The following KIF2A variants were observed in gnomAD, a reference collection of about 807,000 sequenced individuals.
The protein encoded by KIF2A is kinesin family member 2A.
KIF2A carries 22 observed loss-of-function variants against 100.2 expected under a neutral mutation model. The ratio of observed to expected loss-of-function variants is 0.22; its 90% CI spans 0.16 to 0.31. The LOEUF (loss-of-function observed/expected upper bound fraction) is 0.31. Among genes scored for constraint, KIF2A ranks in the 10% least tolerant of loss-of-function variants. The pLI, the probability that KIF2A is intolerant of heterozygous loss-of-function variation, is 1.00. For missense variants in KIF2A, 495 were observed against 898.7 expected, an observed-to-expected ratio of 0.55 and a Z score of 5.74; for synonymous variants, 268 against 285.9, an observed-to-expected ratio of 0.94 and a Z score of 0.63.
chr5:62,378,415 G>A (rs1315171669), intron 19 of KIF2A, among the ~76,000 whole-genome samples: 3 of 151,942 alleles, frequency 2.0e-5, no homozygotes, highest in African/African-American at 2.4e-5. Context: ...ACTGGCAGCC[G>A]CCCCCACCCT....
At chr5:62,319,102 G>A (rs1745975336) in intron 1 of KIF2A, among the ~76,000 whole-genome samples, 1 of 151,906 alleles carries the variant, frequency 6.6e-6, no homozygotes, top group Non-Finnish European at 1.5e-5. Flanking sequence ...ATTATGTCTT[G>A]CCTGTGCTGT....
At position 62,306,400 on chromosome 5, in the gene KIF2A, C is replaced by T; in HGVS notation, c.-73C>T. Reference sequence around the variant, plus strand: ...CAACCGCTCCCCCTCCCACACCTACCCCGCCCCCTCCCCGCCTTTTCCGCC... The same window carrying T: ...CAACCGCTCCCCCTCCCACACCTACTCCGCCCCCTCCCCGCCTTTTCCGCC... On this transcript the variant is annotated 5_prime_UTR_variant, in exon 1 of 21. Transcript: ENST00000407818. The T allele has an allele frequency of 1.1e-6, 1 of 927,410 alleles. No individual in the cohort carries two copies. The highest frequency in any genetic ancestry group is 2.8e-5 in the East Asian group (1 of 35,320). 57.4% of individuals were successfully genotyped at this position (927,410 alleles called of 1,614,324 possible).
chr5:62,377,516 T>G, intron 18 of KIF2A, 145 bp from the exon 19 acceptor site: 1 of 426,480 alleles, frequency 2.3e-6, no homozygotes, highest in East Asian at 3.7e-5. Flanking sequence ...AAATCGTGGC[T>G]TTGCCTTTTA....
At chr5:62,345,287 C>T (rs1296731207) in intron 1 of KIF2A, among the ~76,000 whole-genome samples, 1 of 151,986 alleles carries the variant, frequency 6.6e-6, no homozygotes, top group African/African-American at 2.4e-5. Flanking sequence ...ACTTGGGAGG[C>T]TGAGGCAGGA....
In KIF2A at chr5:62,377,628, A is replaced by G. The variant is rs951679877; in HGVS notation, c.1912-33A>G. On this transcript the variant is annotated intron_variant, in intron 18 of 20. Transcript: ENST00000407818. ...TTTTATAACATTTAAAATACACACT[A>G]TATCATAATTTCTTAACTATTTTTA... 14 of 1,179,634 alleles carry G rather than the reference A, an allele frequency of 1.2e-5. No homozygotes were observed. The East Asian group carries it at 2.1e-4, about 17-fold the overall frequency. The allele number at this position is 1,179,634 out of a possible 1,614,324, so 73.1% of individuals were successfully genotyped here.
chr5:62,337,516 C>G (rs779111496), intron 1 of KIF2A, among the ~76,000 whole-genome samples: 5 of 151,518 alleles, frequency 3.3e-5, no homozygotes, highest in Non-Finnish European at 7.4e-5. Flanking sequence ...ATTAGTATAA[C>G]CATGATACCA....
chr5:62,328,405 C>G (rs1051148830), intron 1 of KIF2A, among the ~76,000 whole-genome samples: 4 of 147,096 alleles, frequency 2.7e-5, no homozygotes, highest in Non-Finnish European at 3.0e-5. Flanking sequence ...TTTTTATGTT[C>G]TCTTTACAAG....
rs1646355021 is a variant in KIF2A at position 62,372,381 on chromosome 5, G to GCAATGTT, written c.1647-55_1647-54insATGTTCA. The GCAATGTT allele has an allele frequency of 9.0e-5, 75 of 835,522 alleles. 2 individuals carry two copies. In the South Asian group the frequency reaches 1.1e-3, roughly 12 times the overall value. The allele number at this position is 835,522 out of a possible 1,614,324, so 51.8% of individuals were successfully genotyped here. ...AATACTAAATGAAAATGTGCAATGT[G>GCAATGTT]CATTGCTGTCTTTCAAGAGCATTTT... On this transcript the variant is annotated intron_variant, in intron 16 of 20. Coordinates refer to ENST00000407818, the MANE Select transcript of KIF2A (RefSeq NM_001098511.3).
chr5:62,382,866 A>C lies in KIF2A; in HGVS notation c.2149+1613A>C, dbSNP rs143583249. The stretch of plus-strand genomic sequence containing the variant: ...GGTCTTGAACTCCTCACCTCAGGTG[A>C]TCCACCTGCCTCGGCCTCCCAAAGT... On this transcript the variant is annotated intron_variant, in intron 20 of 20. Coordinates refer to ENST00000407818, the MANE Select transcript of KIF2A (RefSeq NM_001098511.3). Among the ~76,000 whole-genome samples, 1,017 of 150,504 alleles carry C rather than the reference A, an allele frequency of 6.8e-3. 16 individuals are homozygous for C. The highest frequency in any genetic ancestry group is 0.024 in the African/African-American group (966 of 40,916).
chr5:62,354,437 AT>A (rs1176009540), intron 6 of KIF2A, among the ~76,000 whole-genome samples: 7 of 152,180 alleles, frequency 4.6e-5, no homozygotes, highest in Non-Finnish European at 7.4e-5. Context: ...GTATAAAAAA[AT>A]GTGACTTCTT....
Position 62,389,204 on chromosome 5 carries a change from G to A in KIF2A, c.*3635G>A, listed in dbSNP as rs2112029048. 1.5e-6 allele frequency: 1 copy of A among 676,690 alleles called. No individual in the cohort carries two copies. Among genetic ancestry groups the A allele is most frequent in the Non-Finnish European group, 2.4e-6 (1 of 414,382 alleles). 41.9% of individuals were successfully genotyped at this position (676,690 alleles called of 1,614,324 possible). ...TACTAGTTATTAAAGAAACGTTACT[G>A]GCTGGGCGCAGTGGCTTATGCCTGT... On this transcript the variant is annotated 3_prime_UTR_variant, in exon 21 of 21. Transcript: ENST00000407818.
intron 4 of KIF2A, among the ~76,000 whole-genome samples, chr5:62,350,547 T>C (rs1028947277): frequency 6.6e-6 from 1 of 152,000 alleles, no homozygotes; most frequent in African/African-American, 2.4e-5. Flanking sequence ...AGTGTTGGGA[T>C]TACAGGCATG....
intron 1 of KIF2A, among the ~76,000 whole-genome samples, chr5:62,337,078 C>T (rs764570340): frequency 6.6e-6 from 1 of 152,108 alleles, no homozygotes; most frequent in Non-Finnish European, 1.5e-5. Context: ...TATAATAACG[C>T]AAAGCAAGAT....
intron 7 of KIF2A, among the ~76,000 whole-genome samples, chr5:62,356,619 A>T (rs1465620156): frequency 1.3e-5 from 2 of 152,206 alleles, no homozygotes; most frequent in Non-Finnish European, 2.9e-5. Context: ...ATATTTATAA[A>T]ATAGTTCAAA....
chr5:62,312,170 A>G (rs571635610), intron 1 of KIF2A, among the ~76,000 whole-genome samples: 2 of 152,366 alleles, frequency 1.3e-5, no homozygotes, highest in East Asian at 3.9e-4. Context: ...TTCCAAAAGT[A>G]CCACAGAAAG....
intron 1 of KIF2A, among the ~76,000 whole-genome samples, chr5:62,346,704 C>T (rs954743833): frequency 6.6e-6 from 1 of 152,196 alleles, no homozygotes; most frequent in Admixed American, 6.5e-5. Context: ...CGCATCACTG[C>T]TCTATAGCTT....
chr5:62,320,219 A>G (rs1746030435), intron 1 of KIF2A, among the ~76,000 whole-genome samples: 1 of 152,188 alleles, frequency 6.6e-6, no homozygotes, highest in South Asian at 2.1e-4. Context: ...GTGAGTAAAT[A>G]TACCACAATT....
chr5:62,350,265 GTTTTGTT>G (rs1490508139), intron 4 of KIF2A, 145 bp downstream of exon 4: 2 of 568,024 alleles, frequency 3.5e-6, no homozygotes, highest in Middle Eastern at 4.6e-4. Flanking sequence ...TTTTTGTTTT[GTTTTGTT>G]TTTTGTTTTT....
intron 1 of KIF2A, among the ~76,000 whole-genome samples, chr5:62,319,564 T>C (rs1467915090): frequency 6.6e-6 from 1 of 152,214 alleles, no homozygotes; most frequent in Non-Finnish European, 1.5e-5. Flanking sequence ...TATTGTATTA[T>C]ATGTTTGTGT....
Sources: gnomAD v4.1 joint callset for allele counts (sites outside exome capture counted in the v4.1 genomes callset) on GRCh38, gnomAD v4.1.1 for gene constraint, MANE v1.5 for transcripts, NCBI Gene and HGNC (gene_info 2026-07-23, HGNC 2026-07-21) for gene names.